ABI3BP: variants seen among roughly 807,000 people sequenced by gnomAD.
ABI3BP encodes ABI family member 3 binding protein, also known as target of Nesh-SH3.
ABI3BP carries 216 observed loss-of-function variants against 268.6 expected under a neutral mutation model. That is an observed-to-expected ratio of 0.80 (90% CI 0.72 to 0.90). ABI3BP has a LOEUF of 0.90. Ranked by LOEUF, ABI3BP falls within the 40% of genes least tolerant of loss-of-function variation. ABI3BP has a pLI of 0.00. For missense variants in ABI3BP, 2,090 were observed against 2,182.4 expected, an observed-to-expected ratio of 0.96 and a Z score of 0.84; for synonymous variants, 730 against 730.0, an observed-to-expected ratio of 1.00 and a Z score of 0.00.
chr3:100,911,557 G>A (rs2056497517), intron 2 of ABI3BP: 1 of 605,886 alleles, frequency 1.7e-6, no homozygotes, highest in Non-Finnish European at 3.0e-6. Context: ...TTTATCTTAT[G>A]TACCTCCTTT....
chr3:100,752,403 G>C (rs1047088706), intron 66 of ABI3BP: 2 of 169,310 alleles, frequency 1.2e-5, no homozygotes, highest in East Asian at 1.6e-4. Flanking sequence ...GGAGCAGGGG[G>C]TTGTAGCTCT....
intron 45 of ABI3BP, 96 bp downstream of exon 45, chr3:100,813,565 T>G (rs765017069): frequency 5.3e-5 from 53 of 995,870 alleles, no homozygotes; most frequent in Non-Finnish European, 7.2e-5. Context: ...TGTATATTCC[T>G]TTTTCATTTT....
chr3:100,775,591 A>G (rs1171421548), intron 59 of ABI3BP, among the ~76,000 whole-genome samples: 1 of 152,102 alleles, frequency 6.6e-6, no homozygotes, highest in Non-Finnish European at 1.5e-5. Flanking sequence ...GGGAGTGGTT[A>G]TGTCTGTGAG....
chr3:100,865,579 G>A (rs2099042576), intron 10 of ABI3BP, among the ~76,000 whole-genome samples: 3 of 152,316 alleles, frequency 2.0e-5, no homozygotes, highest in Middle Eastern at 3.4e-3. Context: ...ACTGGGATCT[G>A]AAATGAATTG....
At chr3:100,918,896 T>C (rs914242106) in intron 2 of ABI3BP, among the ~76,000 whole-genome samples, 7 of 152,190 alleles carry the variant, frequency 4.6e-5, no homozygotes, top group Non-Finnish European at 1.0e-4. Flanking sequence ...TTACCTGCCA[T>C]ACAGTAGGTG....
At chr3:100,815,119 A>G (rs2097990747) in intron 44 of ABI3BP, among the ~76,000 whole-genome samples, 2 of 152,172 alleles carry the variant, frequency 1.3e-5, no homozygotes, top group African/African-American at 2.4e-5. Flanking sequence ...ACCCCTATTC[A>G]TCCTCCTTTA....
chr3:100,862,601 C>T (rs998644955), intron 13 of ABI3BP: 5 of 578,752 alleles, frequency 8.6e-6, no homozygotes, highest in Non-Finnish European at 1.5e-5. Flanking sequence ...TGGTGTCAGA[C>T]TGTCAGCATT....
chr3:100,889,182 G>A (rs996747421), intron 4 of ABI3BP, among the ~76,000 whole-genome samples: 2 of 151,996 alleles, frequency 1.3e-5, no homozygotes, highest in Admixed American at 1.3e-4. Context: ...TTTGCACAGG[G>A]CTTATGATTT....
chr3:100,922,342 T>C (rs1269347957), intron 2 of ABI3BP, among the ~76,000 whole-genome samples: 1 of 152,086 alleles, frequency 6.6e-6, no homozygotes, highest in African/African-American at 2.4e-5. Context: ...CCCCAGAACC[T>C]GTGAAGATGT....
chr3:100,883,990 T>C (rs2153386996), intron 6 of ABI3BP, among the ~76,000 whole-genome samples: 1 of 152,210 alleles, frequency 6.6e-6, no homozygotes, highest in Non-Finnish European at 1.5e-5. Flanking sequence ...CATTTGATGA[T>C]AAGAAATATG....
At chr3:100,982,380 G>A (rs771364905) in intron 1 of ABI3BP, among the ~76,000 whole-genome samples, 1 of 151,974 alleles carries the variant, frequency 6.6e-6, no homozygotes, top group East Asian at 1.9e-4. Context: ...ATCCATTAAT[G>A]CCACCCGAAT....
intron 57 of ABI3BP, among the ~76,000 whole-genome samples, chr3:100,784,572 T>A (rs1394064017): frequency 6.6e-6 from 1 of 152,172 alleles, no homozygotes; most frequent in African/African-American, 2.4e-5. Flanking sequence ...AAAATATACA[T>A]GCACATGTAT....
chr3:100,848,668 C>G, intron 18 of ABI3BP, 133 bp downstream of exon 18: 2 of 783,388 alleles, frequency 2.6e-6, no homozygotes, highest in Non-Finnish European at 2.1e-6. Flanking sequence ...CTCAAGTGAT[C>G]CTCCTGCCTT....
At chr3:100,820,657 GAA>G (rs2098191223) in intron 39 of ABI3BP, among the ~76,000 whole-genome samples, 1 of 152,108 alleles carries the variant, frequency 6.6e-6, no homozygotes, top group African/African-American at 2.4e-5. Context: ...GTCAATCAGA[GAA>G]TATCACATAG....
intron 10 of ABI3BP, among the ~76,000 whole-genome samples, chr3:100,865,546 T>C (rs2099042129): frequency 6.6e-6 from 1 of 152,172 alleles, no homozygotes. Flanking sequence ...GTCAACAGTT[T>C]TGGAGAAATA....
chr3:100,884,926 T>A (rs2041203212), intron 6 of ABI3BP, among the ~76,000 whole-genome samples: 1 of 152,042 alleles, frequency 6.6e-6, no homozygotes, highest in Non-Finnish European at 1.5e-5. Context: ...GGTGGGGTGG[T>A]ATATACTAGA....
At chr3:100,986,353 A>C (rs553638834) in intron 1 of ABI3BP, among the ~76,000 whole-genome samples, 1 of 152,350 alleles carries the variant, frequency 6.6e-6, no homozygotes, top group Admixed American at 6.5e-5. Context: ...ATCTTGAAGG[A>C]GAGGAGAGTC....
At chr3:100,877,718 T>C (rs1437646871) in intron 6 of ABI3BP, among the ~76,000 whole-genome samples, 2 of 152,196 alleles carry the variant, frequency 1.3e-5, no homozygotes, top group Non-Finnish European at 2.9e-5. Context: ...TGATGTCCAC[T>C]TTCTGATACT....
At chr3:100,838,106 T>C in intron 26 of ABI3BP, 104 bp downstream of exon 26, 3 of 1,265,864 alleles carry the variant, frequency 2.4e-6, no homozygotes, top group Non-Finnish European at 3.3e-6. Flanking sequence ...AAAATTATGG[T>C]ATTTGGATTT....
Sources: gnomAD v4.1 joint callset for allele counts (sites outside exome capture counted in the v4.1 genomes callset) on GRCh38, gnomAD v4.1.1 for gene constraint, MANE v1.5 for transcripts, NCBI Gene and HGNC (gene_info 2026-07-23, HGNC 2026-07-21) for gene names.